The following BCL2 variants were observed in gnomAD, a reference collection of about 807,000 sequenced individuals.
BCL2 encodes BCL2 apoptosis regulator.
Under a neutral mutation model 14.2 loss-of-function variants are expected in BCL2, and 1 was observed. The ratio of observed to expected loss-of-function variants is 0.07; its 90% CI spans 0.02 to 0.33. The LOEUF is 0.33. BCL2 is among the 10% of genes least tolerant of loss of function. The pLI, the probability that BCL2 is intolerant of heterozygous loss-of-function variation, is 0.99. For missense variants in BCL2, 247 were observed against 305.9 expected (o/e 0.81, Z 1.44); for synonymous variants, 151 against 137.2 (o/e 1.10, Z -0.70).
intron 2 of BCL2, among the ~76,000 whole-genome samples, chr18:63,289,334 A>T (rs1417116754): frequency 1.3e-5 from 2 of 152,226 alleles, no homozygotes; most frequent in African/African-American, 4.8e-5. Context: ...GGTCACTCCC[A>T]ACAGGGATAC....
In BCL2 at chr18:63,131,628, A is replaced by G. The variant is rs541966317; in HGVS notation, c.586-2869T>C. ...CTCTCTGAGGGATGGGTAGGCTGAA[A>G]CCCCCAATAGCCCAGCCAAAAGACA... On this transcript the variant is annotated intron_variant, in intron 2 of 2. Transcript: ENST00000333681. 2.0e-5 allele frequency among the ~76,000 whole-genome samples: 3 copies of G among 152,124 alleles called. No homozygotes were observed. The South Asian group carries it at 6.2e-4, about 32-fold the overall frequency.
In BCL2 at chr18:63,200,156, T is replaced by C. The variant is rs1909649512; in HGVS notation, c.586-71397A>G. ...GATTTAATTCTGCACAAACCTCGCC[T>C]CCCTCAGTTCTTAGAATGAAGATAG... On this transcript the variant is annotated intron_variant, in intron 2 of 2. Transcript: ENST00000333681. Among the ~76,000 whole-genome samples, 3 of 152,334 alleles carry C rather than the reference T, an allele frequency of 2.0e-5. No homozygotes were observed. The South Asian group carries it at 6.2e-4, about 32-fold the overall frequency.
intron 2 of BCL2, among the ~76,000 whole-genome samples, chr18:63,292,431 T>C: frequency 6.6e-6 from 1 of 152,226 alleles, no homozygotes; most frequent in Middle Eastern, 3.4e-3. Flanking sequence ...TTAATGAATA[T>C]CAAGACAAAA....
chr18:63,184,458 C>T (rs1259516107), intron 2 of BCL2, among the ~76,000 whole-genome samples: 1 of 152,242 alleles, frequency 6.6e-6, no homozygotes. Flanking sequence ...AGAGATGGAT[C>T]TGGCCTTTGA....
intron 2 of BCL2, among the ~76,000 whole-genome samples, chr18:63,273,119 G>A (rs1388382448): frequency 1.3e-5 from 2 of 152,122 alleles, no homozygotes; most frequent in African/African-American, 2.4e-5. Context: ...TGAAACAAGA[G>A]TTTTTAAGTG....
At position 63,154,956 on chromosome 18, in the gene BCL2, CA is replaced by C. The variant is rs1448004946; in HGVS notation, c.586-26198del. 2.0e-5 allele frequency among the ~76,000 whole-genome samples: 3 copies of C among 152,368 alleles called. No homozygotes were observed. The East Asian group carries it at 5.8e-4, about 29-fold the overall frequency. On this transcript the variant is annotated intron_variant, in intron 2 of 2. Coordinates refer to ENST00000333681, the MANE Select transcript of BCL2 (RefSeq NM_000633.3). ...TTCATTACACATCTCAAAAGAACCTCAGGACCTTCTGGGACTGGAATGGCAA... is the reference window on the plus strand; with the variant it reads ...TTCATTACACATCTCAAAAGAACCTCGGACCTTCTGGGACTGGAATGGCAA...
rs574120852 is a variant in BCL2, at chr18:63,226,078, G to A, written c.585+92004C>T. Among the ~76,000 whole-genome samples, 5 of 152,286 alleles carry A rather than the reference G, an allele frequency of 3.3e-5. No homozygotes were observed. The East Asian group carries it at 9.6e-4, about 29-fold the overall frequency. ...CAGTAGGAAGGGGAGCTGAAAAGGG[G>A]ACGGGGATGGAAGGTAATCTTCCCC... On this transcript the variant is annotated intron_variant, in intron 2 of 2. Coordinates refer to ENST00000333681, the MANE Select transcript of BCL2 (RefSeq NM_000633.3).
intron 2 of BCL2, among the ~76,000 whole-genome samples, chr18:63,141,576 G>T (rs1393172915): frequency 6.6e-6 from 1 of 152,176 alleles, no homozygotes; most frequent in Non-Finnish European, 1.5e-5. Context: ...ACATCAGTGT[G>T]GCTTAAAGTA....
chr18:63,237,690 T>C (rs1302799385), intron 2 of BCL2, among the ~76,000 whole-genome samples: 1 of 152,246 alleles, frequency 6.6e-6, no homozygotes, highest in African/African-American at 2.4e-5. Context: ...AAGGTCAGAG[T>C]TGCCCAACTC....
intron 2 of BCL2, among the ~76,000 whole-genome samples, chr18:63,174,444 C>T (rs970549468): frequency 4.6e-5 from 7 of 151,924 alleles, no homozygotes; most frequent in African/African-American, 1.7e-4. Flanking sequence ...CAATTTACAA[C>T]CTAGTCTAAT....
At chr18:63,281,673 AAAGAAAGAAAGAAAGAAAG>A (rs1912314455) in intron 2 of BCL2, among the ~76,000 whole-genome samples, 2 of 18,050 alleles carry the variant, frequency 1.1e-4, no homozygotes, top group Non-Finnish European at 3.7e-4. Context: ...TCTCAGAAAG[AAAGAAAGAAAGAAAGAAAG>A]AAAGAAAGAA....
At chr18:63,197,764 C>G (rs1485956479) in intron 2 of BCL2, among the ~76,000 whole-genome samples, 2 of 151,906 alleles carry the variant, frequency 1.3e-5, no homozygotes, top group East Asian at 3.9e-4. Context: ...CTTTGCCAAT[C>G]GTCACCAAAT....
intron 2 of BCL2, among the ~76,000 whole-genome samples, chr18:63,251,539 G>A (rs1360914426): frequency 5.3e-5 from 8 of 150,968 alleles, no homozygotes; most frequent in Non-Finnish European, 8.9e-5. Context: ...CAGCTACTGA[G>A]GAGGCTGAGG....
intron 2 of BCL2, among the ~76,000 whole-genome samples, chr18:63,312,297 G>A (rs1436195160): frequency 6.6e-6 from 1 of 152,196 alleles, no homozygotes; most frequent in Non-Finnish European, 1.5e-5. Flanking sequence ...CACAGGGGTG[G>A]TGGCACCTAT....
chr18:63,223,149 C>G (rs931775845), intron 2 of BCL2, among the ~76,000 whole-genome samples: 1 of 152,168 alleles, frequency 6.6e-6, no homozygotes, highest in Non-Finnish European at 1.5e-5. Context: ...CGCCTGTAAT[C>G]CCAGCACTTT....
intron 2 of BCL2, among the ~76,000 whole-genome samples, chr18:63,159,539 C>T (rs1914865383): frequency 6.6e-6 from 1 of 152,158 alleles, no homozygotes; most frequent in Non-Finnish European, 1.5e-5. Context: ...TTTACAAATG[C>T]ATTTAGGGCC....
chr18:63,256,195 T>C (rs1379392426), intron 2 of BCL2, among the ~76,000 whole-genome samples: 1 of 152,304 alleles, frequency 6.6e-6, no homozygotes, highest in African/African-American at 2.4e-5. Context: ...GTAAAATATA[T>C]ATGGGAAGAC....
chr18:63,204,074 G>C (rs1252558238), intron 2 of BCL2, among the ~76,000 whole-genome samples: 3 of 152,148 alleles, frequency 2.0e-5, no homozygotes, highest in Non-Finnish European at 4.4e-5. Context: ...AATTGAGAAG[G>C]CATCTGCCCT....
intron 2 of BCL2, among the ~76,000 whole-genome samples, chr18:63,214,319 G>A (rs1350386811): frequency 6.6e-6 from 1 of 152,212 alleles, no homozygotes; most frequent in Non-Finnish European, 1.5e-5. Flanking sequence ...CTGTAGGGGA[G>A]GTGAGACAAA....
Sources: gnomAD v4.1 joint callset for allele counts (sites outside exome capture counted in the v4.1 genomes callset) on GRCh38, gnomAD v4.1.1 for gene constraint, MANE v1.5 for transcripts, NCBI Gene and HGNC (gene_info 2026-07-23, HGNC 2026-07-21) for gene names.